NAALADL2: variants seen among roughly 807,000 people sequenced by gnomAD.
NAALADL2 encodes N-acetylated alpha-linked acidic dipeptidase like 2, also known as inactive N-acetylated-alpha-linked acidic dipeptidase-like protein 2.
NAALADL2 carries 76 observed loss-of-function variants against 87.2 expected under a neutral mutation model. The observed-to-expected ratio is 0.87, with a 90% CI of 0.72 to 1.05. The LOEUF (loss-of-function observed/expected upper bound fraction) is 1.05, where lower values mean the gene tolerates loss of function less well. Ranked by LOEUF, NAALADL2 falls within the 50% of genes least tolerant of loss-of-function variation. NAALADL2 has a pLI of 0.00. For missense variants in NAALADL2, 1,089 were observed against 945.8 expected (o/e 1.15, Z -1.99); for synonymous variants, 354 against 331.0 (o/e 1.07, Z -0.75).
intron 2 of NAALADL2, among the ~76,000 whole-genome samples, chr3:175,128,686 T>A (rs1052398108): frequency 2.0e-5 from 3 of 152,292 alleles, no homozygotes; most frequent in African/African-American, 7.2e-5. Flanking sequence ...GGAAGTGTTA[T>A]AAAGCTCCAG....
chr3:175,104,783 T>C (rs1722814496), intron 2 of NAALADL2, among the ~76,000 whole-genome samples: 1 of 152,150 alleles, frequency 6.6e-6, no homozygotes, highest in Non-Finnish European at 1.5e-5. Context: ...TATCCTATCG[T>C]TGATCTCTCC....
chr3:175,685,449 G>GGTGTGTGTGTGTGTGT (rs59449046), intron 11 of NAALADL2, among the ~76,000 whole-genome samples: 20 of 144,584 alleles, frequency 1.4e-4, no homozygotes, highest in Non-Finnish European at 2.9e-4. Flanking sequence ...ACCAACAGGA[G>GGTGTGTGTGTGTGTGT]GTGTGTGTGT....
intron 9 of NAALADL2, among the ~76,000 whole-genome samples, chr3:175,497,319 G>T (rs1191313379): frequency 1.3e-5 from 2 of 152,086 alleles, no homozygotes; most frequent in African/African-American, 4.8e-5. Flanking sequence ...CAAAATAAAT[G>T]TCTGGTAAAT....
intron 2 of NAALADL2, among the ~76,000 whole-genome samples, chr3:175,231,753 C>A (rs35675620): frequency 0.2 from 30,332 of 152,036 alleles, 3,222 homozygotes; most frequent in East Asian, 0.3. Flanking sequence ...GTCAATGTTA[C>A]TGATATATTG....
intron 5 of NAALADL2, among the ~76,000 whole-genome samples, chr3:175,405,264 T>A (rs1712104861): frequency 6.6e-6 from 1 of 152,154 alleles, no homozygotes; most frequent in East Asian, 1.9e-4. Context: ...TAAGTTATTT[T>A]TATAAGACCC....
chr3:174,539,132 A>G (rs1721990361), intron 1 of NAALADL2, among the ~76,000 whole-genome samples: 1 of 152,208 alleles, frequency 6.6e-6, no homozygotes, highest in Non-Finnish European at 1.5e-5. Flanking sequence ...ATCTATGTAA[A>G]CAAACTAAAG....
chr3:175,233,649 T>C (rs770797239), intron 2 of NAALADL2, among the ~76,000 whole-genome samples: 53 of 152,154 alleles, frequency 3.5e-4, no homozygotes, highest in Non-Finnish European at 8.8e-5. Flanking sequence ...TGTCGCTATG[T>C]TGCCCTGGCT....
At chr3:174,708,240 A>G (rs1730285138) in intron 2 of NAALADL2, among the ~76,000 whole-genome samples, 2 of 152,188 alleles carry the variant, frequency 1.3e-5, no homozygotes, top group South Asian at 4.1e-4. Flanking sequence ...TAAATGGAAG[A>G]GACAAAATGG....
intron 2 of NAALADL2, chr3:175,218,052 G>GT (rs11395569): frequency 0.016 from 6,533 of 402,344 alleles, 260 homozygotes; most frequent in African/African-American, 0.11. Flanking sequence ...GAATTTCAAT[G>GT]TTTTTTTTTG....
intron 1 of NAALADL2, among the ~76,000 whole-genome samples, chr3:174,473,456 G>A (rs949547362): frequency 6.6e-6 from 1 of 152,106 alleles, no homozygotes; most frequent in Non-Finnish European, 1.5e-5. Flanking sequence ...CTTCCTTCCT[G>A]TGAATGCCCC....
intron 3 of NAALADL2, among the ~76,000 whole-genome samples, chr3:174,826,041 A>AACAACAACAACAACAACG (rs1560262219): frequency 2.0e-5 from 3 of 150,582 alleles, no homozygotes; most frequent in African/African-American, 7.5e-5. Context: ...CAACAACAAC[A>AACAACAACAACAACAACG]ACAACAACAA....
chr3:175,535,278 A>G (rs1305121818), intron 9 of NAALADL2, among the ~76,000 whole-genome samples: 1 of 152,200 alleles, frequency 6.6e-6, no homozygotes, highest in Non-Finnish European at 1.5e-5. Context: ...AGGACATACA[A>G]CAATATTGAG....
At chr3:174,503,284 A>G (rs981843030) in intron 1 of NAALADL2, among the ~76,000 whole-genome samples, 7 of 152,192 alleles carry the variant, frequency 4.6e-5, no homozygotes, top group African/African-American at 1.7e-4. Context: ...CTGAATTTAC[A>G]TAAGTCTTTT....
At chr3:174,466,670 A>C (rs542248081) in intron 1 of NAALADL2, among the ~76,000 whole-genome samples, 1 of 152,092 alleles carries the variant, frequency 6.6e-6, no homozygotes, top group African/African-American at 2.4e-5. Flanking sequence ...CCTAATTAGG[A>C]CCCCCAGTGA....
chr3:175,319,588 G>A (rs1345706450), intron 4 of NAALADL2, among the ~76,000 whole-genome samples: 1 of 152,182 alleles, frequency 6.6e-6, no homozygotes, highest in Non-Finnish European at 1.5e-5. Context: ...GGGAGGCCGA[G>A]TCGGCAATAT....
chr3:175,336,580 A>C (rs1437802594), intron 5 of NAALADL2, among the ~76,000 whole-genome samples: 4 of 152,258 alleles, frequency 2.6e-5, no homozygotes, highest in East Asian at 1.9e-4. Flanking sequence ...TGGTGATGGC[A>C]AAGTATACAC....
At chr3:175,369,622 T>TATATAG (rs1309498583) in intron 5 of NAALADL2, 2 of 152,396 alleles carry the variant, frequency 1.3e-5, no homozygotes, top group African/African-American at 4.8e-5. Context: ...AGGTAGCCTG[T>TATATAG]GTGTGTGTGA....
intron 7 of NAALADL2, among the ~76,000 whole-genome samples, chr3:175,465,949 G>A (rs1723954548): frequency 6.6e-6 from 1 of 152,136 alleles, no homozygotes. Flanking sequence ...TGTTCAAAGT[G>A]GCTTACAAAC....
chr3:174,968,913 A>C (rs1743239728), intron 1 of NAALADL2, among the ~76,000 whole-genome samples: 1 of 152,200 alleles, frequency 6.6e-6, no homozygotes, highest in Non-Finnish European at 1.5e-5. Context: ...GAAAATTACT[A>C]TTCTTTGAGG....
Sources: gnomAD v4.1 joint callset for allele counts (sites outside exome capture counted in the v4.1 genomes callset) on GRCh38, gnomAD v4.1.1 for gene constraint, MANE v1.5 for transcripts, NCBI Gene and HGNC (gene_info 2026-07-23, HGNC 2026-07-21) for gene names.